Variants in FTCD observed in about 807,000 individuals in gnomAD.
FTCD encodes formimidoyltransferase cyclodeaminase, also known as formimidoyltransferase-cyclodeaminase.
FTCD carries 76 observed loss-of-function variants against 62.9 expected under a neutral mutation model. The ratio of observed to expected loss-of-function variants is 1.21; its 90% CI spans 1.00 to 1.46. The LOEUF (loss-of-function observed/expected upper bound fraction) is 1.46, where lower values mean the gene tolerates loss of function less well. FTCD is among the 40% of genes most tolerant of loss of function. FTCD has a pLI of 0.00. For synonymous variants in FTCD, 397 were observed against 336.9 expected (o/e 1.18, Z -1.95); for missense variants, 845 against 751.3 (o/e 1.12, Z -1.46).
rs369955821 is a variant in FTCD at position 46,136,995 on chromosome 21, G to A, written c.1618C>T (p.Gln540Ter). Residue 540 changes from glutamine (Q) to a stop codon, truncating the protein, a stop_gained, in exon 14 of 14, where the codon CAG becomes TAG. Transcript: ENST00000397746. LOFTEE classifies it high-confidence loss of function. ...ALVLDCLETR[Q>*]E is the part of the protein sequence containing the mutation. ...AGAGGCCTCCCGCACCGTCACTCCT[G>A]CCGGGTCTCCAAGCAGTCCAGCACC... is the stretch of plus-strand genomic sequence containing the variant. The A allele has an allele frequency of 6.2e-7, 1 of 1,613,360 alleles. No individual in the cohort carries two copies. The highest frequency in any genetic ancestry group is 8.5e-7 in the Non-Finnish European group (1 of 1,179,984).
At chr21:46,148,398 G>A (rs567039478) in intron 7 of FTCD, among the ~76,000 whole-genome samples, 3 of 152,190 alleles carry the variant, frequency 2.0e-5, no homozygotes, top group Non-Finnish European at 4.4e-5. Context: ...GCTGACGTGA[G>A]TGGATTGCTT....
In FTCD at chr21:46,145,951, C is replaced by A; in HGVS notation, c.969-4G>T. ...CCCGCGCTCAGGGACCAGGTACCTG[C>A]AGGGTGGGCGCGGCTCAGCGGGTCT... On this transcript the variant is annotated splice_region_variant and splice_polypyrimidine_tract_variant and intron_variant, in intron 8 of 13. Coordinates refer to ENST00000397746, the MANE Select transcript of FTCD (RefSeq NM_206965.2). 1 of 1,483,428 alleles carries A rather than the reference C, an allele frequency of 6.7e-7. No individual in the cohort carries two copies. Among genetic ancestry groups the A allele is most frequent in the Non-Finnish European group, 9.0e-7 (1 of 1,116,096 alleles). The allele number at this position is 1,483,428 out of a possible 1,614,324, so 91.9% of individuals were successfully genotyped here.
chr21:46,146,186 G>GC, intron 8 of FTCD, 80 bp downstream of exon 8: 1 of 1,036,754 alleles, frequency 9.6e-7, no homozygotes, highest in Non-Finnish European at 1.5e-6. Context: ...GGGTCTCCAC[G>GC]CAGGGACCCC....
Position 46,154,233 on chromosome 21 carries a change from C to A in FTCD, c.154G>T (p.Val52Leu). The change falls in exon 2 of 14, where the codon GTG becomes TTG. Residue 52 changes from valine (V) to leucine (L), a missense_variant. Coordinates refer to ENST00000397746, the MANE Select transcript of FTCD (RefSeq NM_206965.2). ...TCCACCACGCACTCCGGCGGCCCCACGAAGGTGTACACGGTGCGGTTGGTG... is the reference window on the plus strand; with the variant it reads ...TCCACCACGCACTCCGGCGGCCCCAAGAAGGTGTACACGGTGCGGTTGGTG... The part of the protein sequence containing the change: ...PSTNRTVYTF[V>L]GPPECVVEGA... 1 of 1,612,818 alleles carries A rather than the reference C, an allele frequency of 6.2e-7. No homozygotes were observed. Among genetic ancestry groups the A allele is most frequent in the Non-Finnish European group, 8.5e-7 (1 of 1,179,974 alleles).
chr21:46,146,129 C>G, intron 8 of FTCD, 137 bp downstream of exon 8: 1 of 772,242 alleles, frequency 1.3e-6, no homozygotes, highest in South Asian at 1.6e-5. Flanking sequence ...CCCGGCTTGG[C>G]GCAGGCCGAG....
rs1221402181 is a variant in FTCD at position 46,154,273 on chromosome 21, C to T, written c.114G>A (p.Val38=). ...TQTPGCVLLD[V]DAGPSTNRTV... ...TGCGGTTGGTGGAAGGGCCTGCGTC[C>T]ACATCCAGCAGCACGCAGCCCGGGG... The change falls in exon 2 of 14, where the codon GTG becomes GTA. Residue 38 remains valine, a synonymous_variant. Transcript: ENST00000397746. 8 of 1,612,570 alleles carry T rather than the reference C, an allele frequency of 5.0e-6. No homozygotes were observed. The highest frequency in any genetic ancestry group is 1.7e-5 in the Admixed American group (1 of 60,010).
At chr21:46,146,232 G>C (rs751433805) in intron 8 of FTCD, 34 bp downstream of exon 8, 4 of 1,486,070 alleles carry the variant, frequency 2.7e-6, no homozygotes, top group Admixed American at 3.5e-5. Flanking sequence ...GAGCCCGGGA[G>C]GGGTGAGAAG....
At chr21:46,153,607 C>A (rs1199117630) in intron 2 of FTCD, among the ~76,000 whole-genome samples, 1 of 152,230 alleles carries the variant, frequency 6.6e-6, no homozygotes, top group Non-Finnish European at 1.5e-5. Flanking sequence ...CCGCCCAGGG[C>A]TGGCCACTTA....
At chr21:46,139,746 G>A (rs1258590857) in intron 10 of FTCD, among the ~76,000 whole-genome samples, 1 of 152,190 alleles carries the variant, frequency 6.6e-6, no homozygotes, top group African/African-American at 2.4e-5. Flanking sequence ...TGACTGGCTG[G>A]GGCATCATCC....
At chr21:46,144,823 C>T (rs987477705) in intron 10 of FTCD, among the ~76,000 whole-genome samples, 1 of 148,838 alleles carries the variant, frequency 6.7e-6, no homozygotes, top group African/African-American at 2.5e-5. Flanking sequence ...TGCCCTTTCC[C>T]AGGCTCTCTG....
Position 46,137,290 on chromosome 21 carries a change from G to A in FTCD, c.1488C>T (p.Phe496=), listed in dbSNP as rs1279073607. 1 of 1,613,758 alleles carries A rather than the reference G, an allele frequency of 6.2e-7. No homozygotes were observed. Among genetic ancestry groups the A allele is most frequent in the African/African-American group, 1.3e-5 (1 of 74,920 alleles). ...ALEMGVFGAY[F]NVLINLRDIT... Reference sequence around the variant, plus strand: ...TGTCCCTCAGGTTGATGAGCACGTTGAAATATGCGCCAAACACGCCCATCT... The same window carrying A: ...TGTCCCTCAGGTTGATGAGCACGTTAAAATATGCGCCAAACACGCCCATCT... The change falls in exon 13 of 14, where the codon TTC becomes TTT. Residue 496 remains phenylalanine, a synonymous_variant. Coordinates refer to ENST00000397746, the MANE Select transcript of FTCD (RefSeq NM_206965.2).
At chr21:46,136,470 G>A (rs556770824), downstream of FTCD, 33 of 1,612,624 alleles carry the variant, frequency 2.0e-5, no homozygotes, top group South Asian at 7.7e-5. Flanking sequence ...TTCCAGCGTC[G>A]AAGGTCCTGC....
At chr21:46,147,816 C>T (rs955646987) in intron 7 of FTCD, among the ~76,000 whole-genome samples, 1 of 151,738 alleles carries the variant, frequency 6.6e-6, no homozygotes, top group East Asian at 1.9e-4. Flanking sequence ...CGGTGGCACA[C>T]GCCTGTAATC....
intron 10 of FTCD, among the ~76,000 whole-genome samples, chr21:46,140,892 G>T (rs1303679186): frequency 1.3e-5 from 2 of 150,242 alleles, no homozygotes; most frequent in South Asian, 4.2e-4. Flanking sequence ...CTCACAGGGA[G>T]CGTAAACCAA....
At chr21:46,154,765 C>T (rs1482948305) in intron 1 of FTCD, among the ~76,000 whole-genome samples, 1 of 152,256 alleles carries the variant, frequency 6.6e-6, no homozygotes, top group Non-Finnish European at 1.5e-5. Flanking sequence ...GGCAGGACTG[C>T]TGGGAGCAGG....
In FTCD at chr21:46,137,111, G is replaced by A. The variant is rs767636995; in HGVS notation, c.1540-38C>T. On this transcript the variant is annotated intron_variant, in intron 13 of 13. Coordinates refer to ENST00000397746, the MANE Select transcript of FTCD (RefSeq NM_206965.2). ...GGGAAAGAGGGGTCTGGTAGTTCCA[G>A]TCTTCAGCCCAGCTTGCTGGGCAGC... The A allele has an allele frequency of 3.7e-6, 6 of 1,612,992 alleles. No homozygotes were observed. In the East Asian group the frequency reaches 8.9e-5, roughly 24 times the overall value.
At chr21:46,149,582 C>G (rs558200010) in intron 7 of FTCD, among the ~76,000 whole-genome samples, 2 of 152,102 alleles carry the variant, frequency 1.3e-5, no homozygotes, top group Admixed American at 6.5e-5. Flanking sequence ...GCAGTGACCT[C>G]GAGTGAAAGG....
Position 46,145,554 on chromosome 21 carries a change from C to G in FTCD, c.1123G>C (p.Gly375Arg). 1.9e-6 allele frequency: 3 copies of G among 1,544,754 alleles called. No individual in the cohort carries two copies. The highest frequency in any genetic ancestry group is 2.6e-6 in the Non-Finnish European group (3 of 1,144,542). ...TGGCGCCGCCCGTAGGTCATGAGGC[C>G]CACCATGGAGCCCAGCGCCGCACCC... ...AMGAALGSMV[G>R]LMTYGRRQFQ... Residue 375 changes from glycine to arginine, a missense_variant, in exon 10 of 14, where the codon GGC (glycine) becomes CGC (arginine). Coordinates refer to ENST00000397746, the MANE Select transcript of FTCD (RefSeq NM_206965.2).
At chr21:46,139,149 G>T in intron 10 of FTCD, 1 of 596,956 alleles carries the variant, frequency 1.7e-6, no homozygotes, top group Non-Finnish European at 3.0e-6. Context: ...GAGACCCGGG[G>T]ATGTGAGAAG....
Sources: allele counts gnomAD v4.1 joint callset (sites outside exome capture counted in the v4.1 genomes callset), GRCh38; gene constraint gnomAD v4.1.1; transcripts MANE v1.5; gene names NCBI Gene and HGNC (gene_info 2026-07-23, HGNC 2026-07-21).